The following ABCB11 variants were observed in gnomAD, a reference collection of about 807,000 sequenced individuals.
ABCB11 encodes the protein bile salt export pump.
Under a neutral mutation model 148.0 loss-of-function variants are expected in ABCB11, and 95 were observed. That is an observed-to-expected ratio of 0.64 (90% CI 0.54 to 0.76). The LOEUF (loss-of-function observed/expected upper bound fraction) is 0.76, where lower values mean the gene tolerates loss of function less well. Among genes scored for constraint, ABCB11 ranks in the 30% least tolerant of loss-of-function variants. The probability of loss-of-function intolerance (pLI) is 0.00; values close to 1 mark genes in which losing one functional copy is unlikely to be tolerated. For missense variants in ABCB11, 1,523 were observed against 1,617.8 expected, an observed-to-expected ratio of 0.94 and a Z score of 1.01; for synonymous variants, 591 against 555.4, an observed-to-expected ratio of 1.06 and a Z score of -0.90.
chr2:168,976,884 ATTTAC>A (rs1693929919), intron 11 of ABCB11, among the ~76,000 whole-genome samples, 197 bp from the exon 12 acceptor site: 1 of 151,236 alleles, frequency 6.6e-6, no homozygotes, highest in Admixed American at 6.6e-5. Flanking sequence ...CTTAATTTGA[ATTTAC>A]TTAGAACAAC....
chr2:168,995,378 T>C lies in ABCB11; in HGVS notation c.582A>G (p.Ser194=), dbSNP rs766238406. The change falls in exon 7 of 28, where the codon TCA becomes TCG. Residue 194 remains serine, a synonymous_variant. Transcript: ENST00000650372. ...RMEIGWFDCN[S]VGELNTRFSD... ...AGAATCTTGTATTCAGCTCCCCCAC[T>C]GAATTGCAGTCAAACCACCCTATTT... 1.9e-6 allele frequency: 3 copies of C among 1,612,296 alleles called. No homozygotes were observed. Among genetic ancestry groups the C allele is most frequent in the South Asian group, 1.1e-5 (1 of 91,006 alleles).
chr2:168,936,350 C>T lies in ABCB11; in HGVS notation c.2694G>A (p.Trp898Ter). ...AGCACAAGATGACCAGGCTCAGCTT[C>T]CAGCTAAAGGAGAAGGCAATGATCA... ...VAMIIAFSFS[W>*]KLSLVILCFF... The change falls in exon 22 of 28, where the codon TGG (tryptophan) becomes TGA (stop). Residue 898 changes from tryptophan to a stop codon, truncating the protein, a stop_gained. Transcript: ENST00000650372. LOFTEE classifies it high-confidence loss of function. 1 of 1,613,872 alleles carries T rather than the reference C, an allele frequency of 6.2e-7. No homozygotes were observed. The highest frequency in any genetic ancestry group is 8.5e-7 in the Non-Finnish European group (1 of 1,179,880).
chr2:168,919,250 A>G (rs73972707), downstream of ABCB11, among the ~76,000 whole-genome samples: 20,932 of 152,116 alleles, frequency 0.14, 3,345 homozygotes, highest in African/African-American at 0.37. Context: ...GTCATAAGGT[A>G]AAATAAAAAT....
At chr2:169,010,719 C>T (rs139824497) in intron 5 of ABCB11, among the ~76,000 whole-genome samples, 1 of 152,218 alleles carries the variant, frequency 6.6e-6, no homozygotes, top group African/African-American at 2.4e-5. Flanking sequence ...GTCATAAGAT[C>T]GCGGTGATCT....
At chr2:168,970,249 A>G (rs1248278008) in intron 14 of ABCB11, 34 bp from the exon 15 acceptor site, 13 of 1,597,942 alleles carry the variant, frequency 8.1e-6, no homozygotes, top group Non-Finnish European at 1.1e-5. Flanking sequence ...ATGAAGGGAA[A>G]AGAATTTGAT....
At chr2:169,024,230 T>G (rs1048485354) in intron 1 of ABCB11, among the ~76,000 whole-genome samples, 1 of 152,200 alleles carries the variant, frequency 6.6e-6, no homozygotes, top group East Asian at 1.9e-4. Flanking sequence ...AAAGAACATA[T>G]GGAAAGCTGG....
chr2:169,018,893 C>T (rs954170347), intron 1 of ABCB11, among the ~76,000 whole-genome samples: 8 of 152,052 alleles, frequency 5.3e-5, no homozygotes, highest in Non-Finnish European at 1.2e-4. Context: ...TCTTCAGGAA[C>T]CAGAAATGGC....
At chr2:168,932,878 G>A (rs1405010420) in intron 23 of ABCB11, among the ~76,000 whole-genome samples, 1 of 152,098 alleles carries the variant, frequency 6.6e-6, no homozygotes, top group Non-Finnish European at 1.5e-5. Flanking sequence ...GGGAGGCCGA[G>A]GCGGGCGGAT....
intron 25 of ABCB11, among the ~76,000 whole-genome samples, chr2:168,930,030 T>G (rs1323871096): frequency 6.6e-6 from 1 of 152,126 alleles, no homozygotes; most frequent in African/African-American, 2.4e-5. Flanking sequence ...GGGGGGTGGC[T>G]TTTTATTATA....
In ABCB11 at chr2:168,980,004, T is replaced by A. The variant is rs11568356; in HGVS notation, c.1084-25A>T. On this transcript the variant is annotated intron_variant, in intron 10 of 27. Transcript: ENST00000650372. ...TCTGAAATGAAAAGAGAGAGATTTT[T>A]CATGTGTTTTTGTTAATGTGTAAAT... The A allele has an allele frequency of 5.1e-5, 74 of 1,438,900 alleles. No homozygotes were observed. The African/African-American group carries it at 8.7e-4, about 17-fold the overall frequency. 89.1% of individuals were successfully genotyped at this position (1,438,900 alleles called of 1,614,324 possible).
chr2:168,970,432 G>A, intron 14 of ABCB11: 2 of 1,290,330 alleles, frequency 1.5e-6, no homozygotes, highest in South Asian at 1.3e-5. Flanking sequence ...TTATTCCAGG[G>A]TTTACTGGGC....
intron 24 of ABCB11, among the ~76,000 whole-genome samples, 179 bp from the exon 25 acceptor site, chr2:168,931,041 G>A (rs1051457914): frequency 3.9e-5 from 6 of 152,202 alleles, no homozygotes; most frequent in Non-Finnish European, 7.3e-5. Flanking sequence ...TCTGAAAGAT[G>A]TAGTATAAAG....
downstream of ABCB11, among the ~76,000 whole-genome samples, chr2:168,918,197 C>A (rs919213061): frequency 1.3e-5 from 2 of 152,150 alleles, no homozygotes; most frequent in Admixed American, 1.3e-4. Context: ...TTATAAACTA[C>A]CTGTGTGACT....
chr2:168,934,162 G>A (rs755420228), intron 23 of ABCB11, among the ~76,000 whole-genome samples: 7 of 152,108 alleles, frequency 4.6e-5, no homozygotes, highest in Non-Finnish European at 7.4e-5. Flanking sequence ...ATAAAAATAA[G>A]CCAATGGTTT....
chr2:168,968,174 A>T (rs1354798290), intron 17 of ABCB11, among the ~76,000 whole-genome samples: 2 of 151,916 alleles, frequency 1.3e-5, no homozygotes, highest in African/African-American at 4.8e-5. Flanking sequence ...ATACACAACA[A>T]TTTTAACCAT....
intron 12 of ABCB11, among the ~76,000 whole-genome samples, chr2:168,975,538 TAA>T (rs1172011058): frequency 1.1e-5 from 1 of 94,130 alleles, no homozygotes; most frequent in African/African-American, 4.5e-5. Context: ...TATTTATAGA[TAA>T]ATATATAAAT....
At chr2:168,970,489 C>G in intron 14 of ABCB11, 2 of 810,130 alleles carry the variant, frequency 2.5e-6, no homozygotes, top group South Asian at 1.7e-5. Context: ...GATTTTTCAA[C>G]CAAAATAAAA....
Position 168,935,317 on chromosome 2 carries a change from T to A in ABCB11, c.2923A>T (p.Ile975Phe). Residue 975 changes from isoleucine to phenylalanine, a missense_variant, in exon 23 of 28, where the codon ATT becomes TTT. By Grantham distance (21) the Ile-to-Phe change is conservative. Coordinates refer to ENST00000650372, the MANE Select transcript of ABCB11 (RefSeq NM_003742.4). Reference sequence around the variant, plus strand: ...AATCCGTAAATATTGGCTTTCTGAATGGCTGTCTTGAAGGGCTTCTCCAGC... The same window carrying A: ...AATCCGTAAATATTGGCTTTCTGAAAGGCTGTCTTGAAGGGCTTCTCCAGC... ...TELEKPFKTA[I>F]QKANIYGFCF... The A allele has an allele frequency of 6.2e-7, 1 of 1,614,056 alleles. No homozygotes were observed.
chr2:168,956,613 G>A (rs990896122), intron 19 of ABCB11, among the ~76,000 whole-genome samples: 1 of 151,546 alleles, frequency 6.6e-6, no homozygotes, highest in Non-Finnish European at 1.5e-5. Flanking sequence ...ATCCTCCCGG[G>A]GGTGATGGGA....
Sources: allele counts gnomAD v4.1 joint callset (sites outside exome capture counted in the v4.1 genomes callset), GRCh38; gene constraint gnomAD v4.1.1; transcripts MANE v1.5; gene names NCBI Gene and HGNC (gene_info 2026-07-23, HGNC 2026-07-21).